Variants in CLECL1 observed in about 807,000 individuals in gnomAD.
CLECL1 encodes C-type lectin-like domain family 1.
At chr12:9,722,389 A>G, downstream of CLECL1, 1 of 494,702 alleles carries the variant, frequency 2.0e-6, no homozygotes, top group Non-Finnish European at 3.1e-6. Flanking sequence ...TTAAAATGAA[A>G]TCTGCTAAGA....
downstream of CLECL1, chr12:9,722,579 T>TTTG (rs762547022): frequency 3.3e-6 from 5 of 1,531,112 alleles, no homozygotes; most frequent in East Asian, 9.3e-5. Flanking sequence ...TTTTGCCAAG[T>TTTG]TTGTAGCACA....
exon 3 of CLECL1, chr12:9,716,665 G>T: frequency 1.8e-6 from 1 of 541,794 alleles, no homozygotes; most frequent in Non-Finnish European, 2.7e-6. Flanking sequence ...TTCATCAGAG[G>T]CCTCTTCCTA....
intron 3 of CLECL1, among the ~76,000 whole-genome samples, chr12:9,726,780 G>T (rs150691897): frequency 1.3e-5 from 2 of 151,956 alleles, no homozygotes; most frequent in Non-Finnish European, 3.0e-5. Flanking sequence ...TTGTCTCCCT[G>T]TGTCACAGGT....
the CLECL1 span, among the ~76,000 whole-genome samples, chr12:9,702,406 G>A: frequency 7.2e-5 from 11 of 152,018 alleles, no homozygotes; most frequent in South Asian, 2.1e-4. Flanking sequence ...CTGCTATTCC[G>A]CTGCTCTGCT....
intron 2 of CLECL1, among the ~76,000 whole-genome samples, chr12:9,717,381 T>C (rs1458537304): frequency 6.6e-6 from 1 of 152,214 alleles, no homozygotes; most frequent in East Asian, 1.9e-4. Flanking sequence ...AGACAGGTTT[T>C]CCCCCAGTGC....
At chr12:9,733,781 A>C (rs10844627), upstream of CLECL1, among the ~76,000 whole-genome samples, 47,378 of 152,112 alleles carry the variant, frequency 0.31, 7,809 homozygotes, top group South Asian at 0.46. Context: ...TAGCAAACAT[A>C]GATTTTATCT....
downstream of CLECL1, among the ~76,000 whole-genome samples, chr12:9,721,750 G>A (rs1866315495): frequency 6.6e-6 from 1 of 152,096 alleles, no homozygotes; most frequent in Non-Finnish European, 1.5e-5. Flanking sequence ...ATTAAAATTT[G>A]CTCTAGAAGA....
chr12:9,732,894 A>T, intron 1 of CLECL1, 55 bp downstream of exon 1: 1 of 1,392,566 alleles, frequency 7.2e-7, no homozygotes, highest in Non-Finnish European at 9.8e-7. Context: ...AGAAAGAAAT[A>T]AAGGAGATAA....
chr12:9,722,466 G>A (rs779453145), downstream of CLECL1: 1,078 of 1,103,028 alleles, frequency 9.8e-4, 11 homozygotes, highest in African/African-American at 0.023. Flanking sequence ...CCTCCTAGCC[G>A]GAAAAAAAAA....
upstream of CLECL1, among the ~76,000 whole-genome samples, chr12:9,734,178 C>T (rs1866488399): frequency 6.6e-6 from 1 of 152,192 alleles, no homozygotes; most frequent in African/African-American, 2.4e-5. Flanking sequence ...TGCAGTCACC[C>T]CATCCCTACC....
chr12:9,726,868 C>T (rs73061613), intron 3 of CLECL1, among the ~76,000 whole-genome samples: 7 of 151,714 alleles, frequency 4.6e-5, no homozygotes, highest in Non-Finnish European at 8.9e-5. Context: ...TTACATTGTA[C>T]GAGATAGTCT....
At chr12:9,732,903 A>C in intron 1 of CLECL1, 46 bp downstream of exon 1, 22 of 1,407,728 alleles carry the variant, frequency 1.6e-5, no homozygotes, top group Non-Finnish European at 2.0e-5. Flanking sequence ...TAAAGGAGAT[A>C]ACTAGTAAAA....
the CLECL1 span, among the ~76,000 whole-genome samples, chr12:9,703,632 C>G: frequency 2.0e-5 from 3 of 152,052 alleles, no homozygotes; most frequent in Admixed American, 2.0e-4. Context: ...TGGGGTCAAA[C>G]AATCTACCTG....
At chr12:9,714,652 CTAA>C (rs1866221123), downstream of CLECL1, among the ~76,000 whole-genome samples, 1 of 152,154 alleles carries the variant, frequency 6.6e-6, no homozygotes, top group Non-Finnish European at 1.5e-5. Context: ...ACAATACTGT[CTAA>C]TAATTGAGAC....
At chr12:9,711,343 T>C (rs750480864), downstream of CLECL1, among the ~76,000 whole-genome samples, 1 of 152,348 alleles carries the variant, frequency 6.6e-6, no homozygotes, top group African/African-American at 2.4e-5. Flanking sequence ...GTTGGTGTTC[T>C]GTTTCTACCT....
chr12:9,712,224 T>C (rs4763819), downstream of CLECL1, among the ~76,000 whole-genome samples: 140,210 of 152,302 alleles, frequency 0.92, 64,615 homozygotes, highest in East Asian at 0.97. Context: ...GTCCTTGTAC[T>C]TGTCTCCTCA....
At chr12:9,718,043 CCT>C (rs1447564838), downstream of CLECL1, among the ~76,000 whole-genome samples, 12 of 152,022 alleles carry the variant, frequency 7.9e-5, no homozygotes, top group South Asian at 1.5e-3. Context: ...AAAAATTTCC[CCT>C]GATTCTTCCT....
chr12:9,731,664 A>T (rs964053420), intron 1 of CLECL1, among the ~76,000 whole-genome samples: 1 of 152,242 alleles, frequency 6.6e-6, no homozygotes, highest in Admixed American at 6.5e-5. Flanking sequence ...GGTCATAAGC[A>T]TGACTATAGG....
chr12:9,715,630 A>G (rs1866230340), downstream of CLECL1, among the ~76,000 whole-genome samples: 1 of 152,188 alleles, frequency 6.6e-6, no homozygotes. Context: ...TTTACCACAC[A>G]GGTCTAGCTC....
Sources: allele counts gnomAD v4.1 joint callset (sites outside exome capture counted in the v4.1 genomes callset), GRCh38; gene constraint gnomAD v4.1.1; transcripts MANE v1.5; gene names NCBI Gene and HGNC (gene_info 2026-07-23, HGNC 2026-07-21).